Variants in FBXL18 observed in about 807,000 individuals in gnomAD.
The protein encoded by FBXL18 is F-box and leucine rich repeat protein 18.
A neutral mutation model predicts 46.0 loss-of-function variants in FBXL18; 36 were observed. The observed-to-expected ratio is 0.78, with a 90% CI of 0.60 to 1.03. The LOEUF is 1.03. Among genes scored for constraint, FBXL18 ranks in the 50% least tolerant of loss-of-function variants. The pLI is 0.00. For missense variants in FBXL18, 977 were observed against 1,004.1 expected, an observed-to-expected ratio of 0.97 and a Z score of 0.36; for synonymous variants, 557 against 465.3, an observed-to-expected ratio of 1.20 and a Z score of -2.54.
rs112031522 is a variant in FBXL18 at position 5,495,274 on chromosome 7, C to T, written c.1782-3825G>A. Among the ~76,000 whole-genome samples, 708 of 152,290 alleles carry T rather than the reference C, an allele frequency of 4.6e-3. 1 individual carries two copies. The highest frequency in any genetic ancestry group is 8.1e-3 in the South Asian group (39 of 4,830). ...CCCATCTGGCCACCCACTGCACGGG[C>T]CGTGAGAGCAGCACCCAGGCCTCCG... On this transcript the variant is annotated intron_variant, in intron 3 of 4. Coordinates refer to ENST00000382368, the MANE Select transcript of FBXL18 (RefSeq NM_024963.6).
At chr7:5,513,024 G>A (rs1784579828) in intron 1 of FBXL18, among the ~76,000 whole-genome samples, 1 of 152,122 alleles carries the variant, frequency 6.6e-6, no homozygotes, top group African/African-American at 2.4e-5. Flanking sequence ...AAGCATCAAC[G>A]GGAAGCCACT....
At chr7:5,506,347 G>T (rs1259850323) in intron 1 of FBXL18, among the ~76,000 whole-genome samples, 1 of 150,966 alleles carries the variant, frequency 6.6e-6, no homozygotes. Flanking sequence ...CTCCCGGGTT[G>T]AAGCAGTTCT....
chr7:5,488,902 G>A (rs1783843363), intron 4 of FBXL18, among the ~76,000 whole-genome samples: 1 of 152,188 alleles, frequency 6.6e-6, no homozygotes, highest in African/African-American at 2.4e-5. Flanking sequence ...ACTCGACTAA[G>A]CCCTTTGGAG....
intron 3 of FBXL18, among the ~76,000 whole-genome samples, chr7:5,493,672 CGTGCGTGCGTGCGTGT>C: frequency 7.5e-6 from 1 of 132,794 alleles, no homozygotes. Context: ...TGTGTGCGTG[CGTGCGTGCGTGCGTGT>C]GTGTGTGTGG....
At position 5,478,089 on chromosome 7, in the gene FBXL18, TGCAGCGCAAGAGGA is replaced by T. The variant is rs1489320440; in HGVS notation, c.*3672_*3685del. On this transcript the variant is annotated 3_prime_UTR_variant, in exon 5 of 5. Transcript: ENST00000382368. ...AGCTGGCAGGCAACCCTTGTGTGTTTGCAGCGCAAGAGGAGCTCAGCCCGTCCTGGCTGCCGTCC... is the reference window on the plus strand; with the variant it reads ...AGCTGGCAGGCAACCCTTGTGTGTTTGCTCAGCCCGTCCTGGCTGCCGTCC... 2 of 152,400 alleles carry T rather than the reference TGCAGCGCAAGAGGA, an allele frequency of 1.3e-5. No individual in the cohort carries two copies. The highest frequency in any genetic ancestry group is 2.9e-5 in the Non-Finnish European group (2 of 68,174). 9.4% of individuals were successfully genotyped at this position (152,400 alleles called of 1,614,324 possible).
chr7:5,491,350 G>A lies in FBXL18; in HGVS notation c.1881C>T (p.Thr627=). ...AGGCCAGCACGGCATCGGGCTGGAG[G>A]GTGCCGCTGCGAGAGACCAGGCACA... The part of the protein sequence containing the change: ...QRLCLVSRSG[T]LQPDAVLAFM... The change falls in exon 4 of 5, where the codon ACC becomes ACT. Residue 627 remains threonine (T), a synonymous_variant. Coordinates refer to ENST00000382368, the MANE Select transcript of FBXL18 (RefSeq NM_024963.6). 1.2e-6 allele frequency: 2 copies of A among 1,611,036 alleles called. No individual in the cohort carries two copies. The highest frequency in any genetic ancestry group is 1.7e-6 in the Non-Finnish European group (2 of 1,179,282).
chr7:5,472,572 G>A (rs963737136), downstream of FBXL18, among the ~76,000 whole-genome samples: 4 of 150,056 alleles, frequency 2.7e-5, no homozygotes, highest in East Asian at 1.9e-4. Flanking sequence ...GAGAGGCCAC[G>A]TGACAAGGCC....
intron 2 of FBXL18, 46 bp downstream of exon 2, chr7:5,505,366 C>G: frequency 1.3e-6 from 2 of 1,569,756 alleles, no homozygotes; most frequent in Non-Finnish European, 1.8e-6. Context: ...TCCTCAAAGA[C>G]TGAGATCTAG....
At position 5,462,965 on chromosome 7, in the gene FBXL18, A is replaced by G. The variant is rs1239541187; in HGVS notation, c.2001-15122T>C. Among the ~76,000 whole-genome samples the G allele has an allele frequency of 6.0e-4, 11 of 18,370 alleles. 1 individual carries two copies. The highest frequency in any genetic ancestry group is 1.3e-3 in the Non-Finnish European group (10 of 7,434). 12.1% of individuals were successfully genotyped at this position (18,370 alleles called of 152,430 possible). On this transcript the variant is annotated intron_variant and NMD_transcript_variant, in intron 4 of 6. Transcript: ENST00000415009. The stretch of plus-strand genomic sequence containing the variant: ...GACTTGGTCTCAAAAAAAAAAAAAA[A>G]AAAAATATATATATATATATATATA...
At chr7:5,454,748 C>G (rs1222545294) in intron 4 of FBXL18, among the ~76,000 whole-genome samples, 4 of 152,130 alleles carry the variant, frequency 2.6e-5, no homozygotes, top group African/African-American at 9.7e-5. Flanking sequence ...CAGGGACACC[C>G]TCCAGCCTGC....
At chr7:5,472,944 A>C (rs1783453625), downstream of FBXL18, among the ~76,000 whole-genome samples, 1 of 152,112 alleles carries the variant, frequency 6.6e-6, no homozygotes, top group Admixed American at 6.6e-5. Context: ...CTGTAATGAC[A>C]GTCTCACATG....
intron 4 of FBXL18, among the ~76,000 whole-genome samples, chr7:5,458,633 G>T (rs1329422499): frequency 1.3e-5 from 2 of 151,808 alleles, no homozygotes; most frequent in Non-Finnish European, 2.9e-5. Flanking sequence ...GGAGGCAGAG[G>T]TTGCAGTGAG....
At chr7:5,471,623 G>A (rs1783429172), downstream of FBXL18, among the ~76,000 whole-genome samples, 1 of 152,156 alleles carries the variant, frequency 6.6e-6, no homozygotes, top group Non-Finnish European at 1.5e-5. Flanking sequence ...TGTTAGCCAG[G>A]ATGGTCTCGA....
At chr7:5,488,896 G>A (rs889702962) in intron 4 of FBXL18, among the ~76,000 whole-genome samples, 1 of 152,148 alleles carries the variant, frequency 6.6e-6, no homozygotes, top group African/African-American at 2.4e-5. Flanking sequence ...AAGCCCACTC[G>A]ACTAAGCCCT....
In FBXL18 at chr7:5,501,194, G is replaced by C; in HGVS notation, c.1075C>G (p.Pro359Ala). 1 of 1,613,356 alleles carries C rather than the reference G, an allele frequency of 6.2e-7. No individual in the cohort carries two copies. The highest frequency in any genetic ancestry group is 8.5e-7 in the Non-Finnish European group (1 of 1,179,688). The change falls in exon 3 of 5, where the codon CCA becomes GCA. Residue 359 changes from proline to alanine, a missense_variant. Physicochemically the swap from Pro to Ala is conservative, Grantham distance 27. Coordinates refer to ENST00000382368, the MANE Select transcript of FBXL18 (RefSeq NM_024963.6). ...TCCGCCTTGCGGAGCAGCGAGTCTG[G>C]GGACAGGCAGTGGACGCAGCCGCTG... The part of the protein sequence containing the change: ...NLSGCVHCLS[P>A]DSLLRKAEDD...
intron 3 of FBXL18, among the ~76,000 whole-genome samples, 196 bp from the exon 4 acceptor site, chr7:5,491,645 C>A (rs1284469283): frequency 6.6e-6 from 1 of 152,196 alleles, no homozygotes; most frequent in Non-Finnish European, 1.5e-5. Context: ...CCTTGGAGAT[C>A]TGATTTGGAG....
At chr7:5,486,772 A>C (rs1004731025) in intron 4 of FBXL18, among the ~76,000 whole-genome samples, 1 of 152,222 alleles carries the variant, frequency 6.6e-6, no homozygotes, top group African/African-American at 2.4e-5. Flanking sequence ...GGTCACCAGC[A>C]ACAGGTCACC....
downstream of FBXL18, among the ~76,000 whole-genome samples, chr7:5,475,488 C>G (rs1038603847): frequency 2.0e-5 from 3 of 152,174 alleles, no homozygotes; most frequent in African/African-American, 7.2e-5. The surrounding 1 kb of genome is among the most constrained non-coding windows in gnomAD (Gnocchi z 4.2). Flanking sequence ...CCTGCACAAC[C>G]GTGCCAGTGT....
At position 5,501,219 on chromosome 7, in the gene FBXL18, G is replaced by A. The variant is rs920011760; in HGVS notation, c.1050C>T (p.Leu350=). Residue 350 remains leucine, a synonymous_variant, in exon 3 of 5, where the codon CTC becomes CTT. Transcript: ENST00000382368. The part of the protein sequence containing the change: ...KDLRSLASLN[L]SGCVHCLSPD... The stretch of plus-strand genomic sequence containing the variant: ...GGGACAGGCAGTGGACGCAGCCGCT[G>A]AGGTTCAAGCTGGCCAGGCTCCGCA... 3.1e-6 allele frequency: 5 copies of A among 1,613,358 alleles called. No homozygotes were observed. Among genetic ancestry groups the A allele is most frequent in the Non-Finnish European group, 4.2e-6 (5 of 1,179,756 alleles).
Sources: allele counts gnomAD v4.1 joint callset (sites outside exome capture counted in the v4.1 genomes callset), GRCh38; gene constraint gnomAD v4.1.1; non-coding constraint Gnocchi (gnomAD v3.1); transcripts MANE v1.5; gene names NCBI Gene and HGNC (gene_info 2026-07-23, HGNC 2026-07-21).